Variants in PAX7 observed in about 807,000 individuals in gnomAD.
PAX7 encodes the protein paired box 7.
In PAX7, 18 loss-of-function variants were observed where a neutral mutation model predicts 50.7. The observed-to-expected ratio is 0.36, with a 90% CI of 0.25 to 0.53. The LOEUF is 0.53. PAX7 is among the 20% of genes least tolerant of loss of function. The pLI is 0.93. For synonymous variants in PAX7, 310 were observed against 290.4 expected (o/e 1.07, Z -0.69); for missense variants, 644 against 702.9 (o/e 0.92, Z 0.95).
At chr1:18,692,006 A>G in intron 5 of PAX7, 53 bp downstream of exon 5, 1 of 1,551,720 alleles carries the variant, frequency 6.4e-7, no homozygotes, top group South Asian at 1.2e-5. Context: ...GAGATTCAGA[A>G]GTTTGGGATG....
At chr1:18,716,144 C>A (rs1444925191) in intron 7 of PAX7, among the ~76,000 whole-genome samples, 1 of 152,234 alleles carries the variant, frequency 6.6e-6, no homozygotes, top group African/African-American at 2.4e-5. Flanking sequence ...TCCTTGGCCA[C>A]CAGGGGAGTT....
At chr1:18,694,944 AC>A (rs1203633605) in intron 5 of PAX7, among the ~76,000 whole-genome samples, 4 of 152,210 alleles carry the variant, frequency 2.6e-5, no homozygotes, top group African/African-American at 7.2e-5. Flanking sequence ...AGTACTGCTT[AC>A]ATTGTATGGC....
chr1:18,727,662 A>G (rs941239335), intron 7 of PAX7, among the ~76,000 whole-genome samples: 3 of 152,208 alleles, frequency 2.0e-5, no homozygotes, highest in Non-Finnish European at 1.5e-5. Context: ...CACAAACTGT[A>G]AAGTGCTGTG....
intron 7 of PAX7, among the ~76,000 whole-genome samples, chr1:18,730,959 G>T (rs2089638977): frequency 6.6e-6 from 1 of 152,110 alleles, no homozygotes. Flanking sequence ...GGAAGGGAGA[G>T]GAAGGGACGG....
In PAX7 at chr1:18,748,131, G is replaced by A. The variant is rs1355361780; in HGVS notation, c.*3202G>A. On this transcript the variant is annotated 3_prime_UTR_variant, in exon 9 of 9. Coordinates refer to ENST00000420770, the MANE Select transcript of PAX7 (RefSeq NM_001135254.2). ...ACTAGGGGGATAAGAGAGAAGAAAAGAAGAATGGAGAGAGAGGTTTGCCCA... is the reference window on the plus strand; with the variant it reads ...ACTAGGGGGATAAGAGAGAAGAAAAAAAGAATGGAGAGAGAGGTTTGCCCA... 1 of 218,632 alleles carries A rather than the reference G, an allele frequency of 4.6e-6. No individual in the cohort carries two copies. 13.5% of individuals were successfully genotyped at this position (218,632 alleles called of 1,614,324 possible). A position where few individuals can be genotyped will look rare whatever the true frequency, so the allele number is the denominator to read the frequency against.
At chr1:18,675,493 C>T (rs2088810939) in intron 4 of PAX7, among the ~76,000 whole-genome samples, 1 of 152,134 alleles carries the variant, frequency 6.6e-6, no homozygotes, top group Admixed American at 6.5e-5. Flanking sequence ...GGCATCTCTC[C>T]TCTCCCCAGC....
intron 4 of PAX7, among the ~76,000 whole-genome samples, chr1:18,676,445 G>A (rs1444507939): frequency 1.4e-5 from 2 of 147,080 alleles, no homozygotes; most frequent in Non-Finnish European, 1.5e-5. Flanking sequence ...AAGGCCTCTC[G>A]CTGCCCAGCG....
At chr1:18,741,322 C>A (rs1191951330) in intron 8 of PAX7, among the ~76,000 whole-genome samples, 1 of 152,008 alleles carries the variant, frequency 6.6e-6, no homozygotes, top group Non-Finnish European at 1.5e-5. Flanking sequence ...TATTGGTGGG[C>A]ACCTGTAATC....
chr1:18,636,051 G>C lies in PAX7; in HGVS notation c.452-186G>C, dbSNP rs1259026934. On this transcript the variant is annotated intron_variant, in intron 3 of 8. Coordinates refer to ENST00000420770, the MANE Select transcript of PAX7 (RefSeq NM_001135254.2). This position sits in a 1 kb window ranked among gnomAD's most constrained non-coding sequence, Gnocchi z 5.1. ...TGTGAGTGCCCGGGGTGTGAGTCAG[G>C]CTTCTCCAAGTGGATGCTGGTTATG... Among the ~76,000 whole-genome samples the C allele has an allele frequency of 6.6e-6, 1 of 152,152 alleles. No individual in the cohort carries two copies. Among genetic ancestry groups the C allele is most frequent in the African/African-American group, 2.4e-5 (1 of 41,422 alleles).
rs568801498 is a variant in PAX7 at position 18,740,474 on chromosome 1, C to T, written c.1403-4340C>T. On this transcript the variant is annotated intron_variant, in intron 8 of 8. Coordinates refer to ENST00000420770, the MANE Select transcript of PAX7 (RefSeq NM_001135254.2). ...TGTGACTCTGGGCCAGCGACCTCTC[C>T]GTACCTCAGTTTCCTCATTTATAGA... Among the ~76,000 whole-genome samples, 11 of 152,286 alleles carry T rather than the reference C, an allele frequency of 7.2e-5. No individual in the cohort carries two copies. In the South Asian group the frequency reaches 8.3e-4, roughly 11 times the overall value.
At chr1:18,706,105 G>A (rs1446392173) in intron 7 of PAX7, among the ~76,000 whole-genome samples, 4 of 152,192 alleles carry the variant, frequency 2.6e-5, no homozygotes, top group South Asian at 4.1e-4. Flanking sequence ...AGCTCCCGGG[G>A]TTGCTAGGCT....
Position 18,681,732 on chromosome 1 carries a change from T to TTTATTTTATTTTATG in PAX7, c.587-10008_587-10007insGTTATTTTATTTTAT, listed in dbSNP as rs2088904300. 3.5e-5 allele frequency among the ~76,000 whole-genome samples: 5 copies of TTTATTTTATTTTATG among 144,280 alleles called. No homozygotes were observed. The South Asian group carries it at 8.6e-4, about 25-fold the overall frequency. The allele number at this position is 144,280 out of a possible 152,430, so 94.7% of individuals were successfully genotyped here. A position where few individuals can be genotyped will look rare whatever the true frequency, so the allele number is the denominator to read the frequency against. On this transcript the variant is annotated intron_variant, in intron 4 of 8. Transcript: ENST00000420770. ...TTTATTTTATTTTATTTTATTTTAT[T>TTTATTTTATTTTATG]TTATTTTATTTTATTTTATTTTTAT... is the stretch of plus-strand genomic sequence containing the variant.
At position 18,634,384 on chromosome 1, in the gene PAX7, G is replaced by T. The variant is rs750738891; in HGVS notation, c.167G>T (p.Arg56Leu). 1 of 1,614,116 alleles carries T rather than the reference G, an allele frequency of 6.2e-7. No individual in the cohort carries two copies. The highest frequency in any genetic ancestry group is 1.7e-5 in the Admixed American group (1 of 60,018). Reference protein sequence around the residue: ...INGRPLPNHIRHKIVEMAHHG... With the variant: ...INGRPLPNHILHKIVEMAHHG... ...GGGCGACCCCTGCCTAACCACATCC[G>T]CCACAAGATAGTGGAGATGGCCCAC... The change falls in exon 2 of 9, where the codon CGC becomes CTC. Residue 56 changes from arginine to leucine, a missense_variant. Physicochemically the swap from Arg to Leu is moderately radical, Grantham distance 102. Coordinates refer to ENST00000420770, the MANE Select transcript of PAX7 (RefSeq NM_001135254.2). The surrounding 1 kb of genome is among the most constrained non-coding windows in gnomAD (Gnocchi z 4.0).
At position 18,691,768 on chromosome 1, in the gene PAX7, G is replaced by C; in HGVS notation, c.601G>C (p.Glu201Gln). 6.3e-7 allele frequency: 1 copy of C among 1,583,282 alleles called. No individual in the cohort carries two copies. Among genetic ancestry groups the C allele is most frequent in the Non-Finnish European group, 8.6e-7 (1 of 1,165,256 alleles). Reference sequence around the variant, plus strand: ...TCCGGCTGTAGGGAACCGGCTGGACGAGGGCTCGGATGTGGAGTCGGAACC... The same window carrying C: ...TCCGGCTGTAGGGAACCGGCTGGACCAGGGCTCGGATGTGGAGTCGGAACC... ...ILGDKGNRLD[E>Q]GSDVESEPDL... The change falls in exon 5 of 9, where the codon GAG (glutamate) becomes CAG (glutamine). Residue 201 changes from glutamate (E) to glutamine (Q), a missense_variant. Transcript: ENST00000420770.
At chr1:18,669,006 GC>G (rs2088705956) in intron 4 of PAX7, among the ~76,000 whole-genome samples, 1 of 152,206 alleles carries the variant, frequency 6.6e-6, no homozygotes, top group African/African-American at 2.4e-5. Flanking sequence ...GCCAGGCCTG[GC>G]TTCCTCAAGT....
At chr1:18,715,018 C>A (rs1033118399) in intron 7 of PAX7, among the ~76,000 whole-genome samples, 2 of 152,202 alleles carry the variant, frequency 1.3e-5, no homozygotes, top group Non-Finnish European at 2.9e-5. Context: ...GGAGGAAGGC[C>A]GCTGGGATGG....
intron 4 of PAX7, among the ~76,000 whole-genome samples, chr1:18,654,236 A>G (rs1392764714): frequency 6.6e-6 from 1 of 151,310 alleles, no homozygotes; most frequent in Non-Finnish European, 1.5e-5. Context: ...CTGAAAGGAT[A>G]AACAGTCTGC....
rs547686101 is a variant in PAX7 at position 18,747,900 on chromosome 1, G to C, written c.*2971G>C. Reference sequence around the variant, plus strand: ...GTAGGGATATATCTTCATATTGTGTGTTTCAAATTATGCATTCCAGGCTCT... The same window carrying C: ...GTAGGGATATATCTTCATATTGTGTCTTTCAAATTATGCATTCCAGGCTCT... On this transcript the variant is annotated 3_prime_UTR_variant, in exon 9 of 9. Coordinates refer to ENST00000420770, the MANE Select transcript of PAX7 (RefSeq NM_001135254.2). 5.1e-6 allele frequency: 1 copy of C among 194,612 alleles called. No homozygotes were observed. Among genetic ancestry groups the C allele is most frequent in the East Asian group, 8.0e-5 (1 of 12,438 alleles). 12.1% of individuals were successfully genotyped at this position (194,612 alleles called of 1,614,324 possible).
chr1:18,693,837 C>A (rs913348659), intron 5 of PAX7, among the ~76,000 whole-genome samples: 1 of 152,212 alleles, frequency 6.6e-6, no homozygotes, highest in Non-Finnish European at 1.5e-5. Context: ...AGCCTGACTG[C>A]TCCTTGTAAA....
Sources: gnomAD v4.1 joint callset for allele counts (sites outside exome capture counted in the v4.1 genomes callset) on GRCh38, gnomAD v4.1.1 for gene constraint, Gnocchi (gnomAD v3.1) non-coding constraint, MANE v1.5 for transcripts, NCBI Gene and HGNC (gene_info 2026-07-23, HGNC 2026-07-21) for gene names.